The following IL1RAPL1 variants were observed in gnomAD, a reference collection of about 807,000 sequenced individuals.
IL1RAPL1 encodes interleukin-1 receptor accessory protein-like 1.
Under a neutral mutation model 48.4 loss-of-function variants are expected in IL1RAPL1, and 3 were observed. The observed-to-expected ratio is 0.06, with a 90% CI of 0.03 to 0.16. The LOEUF (loss-of-function observed/expected upper bound fraction) is 0.16. Among genes scored for constraint, IL1RAPL1 ranks in the 10% least tolerant of loss-of-function variants. The probability of loss-of-function intolerance (pLI) is 1.00; values close to 1 mark genes in which losing one functional copy is unlikely to be tolerated. For synonymous variants in IL1RAPL1, 185 were observed against 187.7 expected, an observed-to-expected ratio of 0.99 and a Z score of 0.12; for missense variants, 349 against 530.6, an observed-to-expected ratio of 0.66 and a Z score of 3.36.
intron 6 of IL1RAPL1, among the ~76,000 whole-genome samples, chrX:29,698,101 C>T (rs1021127348): frequency 9.0e-6 from 1 of 110,532 alleles, no homozygotes; most frequent in Non-Finnish European, 1.9e-5. Flanking sequence ...GCTCCAAGAA[C>T]ACCCCTCCAT....
chrX:29,655,159 C>G (rs768548453), intron 5 of IL1RAPL1, among the ~76,000 whole-genome samples: 2 of 111,647 alleles, frequency 1.8e-5, no homozygotes. Context: ...GCAAGCAGAT[C>G]AAACCTCTTC....
intron 2 of IL1RAPL1, among the ~76,000 whole-genome samples, chrX:28,856,738 G>A (rs2147300083): frequency 9.0e-6 from 1 of 111,134 alleles, no homozygotes; most frequent in South Asian, 3.8e-4. Flanking sequence ...CTATCGACTA[G>A]CCACTCCCCT....
chrX:29,432,214 C>T (rs1461411026), intron 5 of IL1RAPL1, among the ~76,000 whole-genome samples: 1 of 111,506 alleles, frequency 9.0e-6, no homozygotes, highest in Non-Finnish European at 1.9e-5. Context: ...CCTCCCTTTG[C>T]TTAGAGCATT....
chrX:29,670,445 TA>T (rs1328327096), intron 6 of IL1RAPL1, among the ~76,000 whole-genome samples: 1 of 112,070 alleles, frequency 8.9e-6, no homozygotes, highest in Non-Finnish European at 1.9e-5. Context: ...TGGATTATTT[TA>T]AGCAACTTTT....
chrX:29,597,149 A>ATTTTTTTTTTTTTTTTTT (rs35180262), intron 5 of IL1RAPL1, among the ~76,000 whole-genome samples: 13 of 55,967 alleles, frequency 2.3e-4, no homozygotes, highest in African/African-American at 8.7e-4. Flanking sequence ...TTTGTTGAGG[A>ATTTTTTTTTTTTTTTTTT]TTTTTTTTTT....
rs996743009 is a variant in IL1RAPL1, at chrX:29,784,585, T to C, written c.778+116081T>C. Among the ~76,000 whole-genome samples, 16 of 111,433 alleles carry C rather than the reference T, an allele frequency of 1.4e-4. No individual in the cohort carries two copies. In the South Asian group the frequency reaches 3.4e-3, roughly 24 times the overall value. On this transcript the variant is annotated intron_variant, in intron 6 of 10. Coordinates refer to ENST00000378993, the MANE Select transcript of IL1RAPL1 (RefSeq NM_014271.4). ...TTGAAGACTATATGTGGATACATAG[T>C]ATCATGAATGGCTGCTCTATTTTGT...
intron 5 of IL1RAPL1, chrX:29,574,376 C>T (rs752402834): frequency 9.2e-6 from 1 of 108,477 alleles, no homozygotes; most frequent in East Asian, 3.0e-4. Flanking sequence ...AAATCCAAAC[C>T]ATAACTTTCC....
chrX:29,953,963 C>A (rs969144151), intron 9 of IL1RAPL1, among the ~76,000 whole-genome samples: 1 of 110,162 alleles, frequency 9.1e-6, no homozygotes, highest in African/African-American at 3.3e-5. Context: ...CTGCTGGGTG[C>A]GGTGGCTCAC....
At chrX:29,075,612 C>T (rs1927652459) in intron 2 of IL1RAPL1, among the ~76,000 whole-genome samples, 1 of 111,765 alleles carries the variant, frequency 8.9e-6, no homozygotes, top group African/African-American at 3.2e-5. Context: ...CAAACTTAGA[C>T]CAACCTTAAC....
chrX:29,604,552 C>T, intron 5 of IL1RAPL1, among the ~76,000 whole-genome samples: 1 of 111,389 alleles, frequency 9.0e-6, no homozygotes, highest in Middle Eastern at 4.6e-3. Flanking sequence ...GATTTGCCTG[C>T]CACAGCCTTC....
chrX:29,719,743 CAAAAAAAA>C (rs372308075), intron 6 of IL1RAPL1, among the ~76,000 whole-genome samples: 490 of 21,877 alleles, frequency 0.022, 2 homozygotes, highest in African/African-American at 0.057. Context: ...GAAAGATGAG[CAAAAAAAA>C]AAAAAAAAAA....
intron 2 of IL1RAPL1, among the ~76,000 whole-genome samples, chrX:28,873,096 T>A (rs891764514): frequency 9.7e-6 from 1 of 103,520 alleles, no homozygotes; most frequent in African/African-American, 3.7e-5. Flanking sequence ...AGCCTAAGTT[T>A]TTTTTTTCAC....
chrX:28,648,401 A>G (rs1934641205), intron 1 of IL1RAPL1, among the ~76,000 whole-genome samples: 1 of 112,015 alleles, frequency 8.9e-6, no homozygotes, highest in Non-Finnish European at 1.9e-5. Flanking sequence ...ATTTCCTCAT[A>G]CATTAAAAAA....
At chrX:29,803,397 GTA>G (rs1409716410) in intron 6 of IL1RAPL1, among the ~76,000 whole-genome samples, 74 of 84,847 alleles carry the variant, frequency 8.7e-4, no homozygotes, top group South Asian at 2.1e-3. Context: ...ATACACATAT[GTA>G]TATATGTGTA....
At chrX:29,867,187 T>C (rs1391179181) in intron 6 of IL1RAPL1, among the ~76,000 whole-genome samples, 1 of 112,010 alleles carries the variant, frequency 8.9e-6, no homozygotes, top group Non-Finnish European at 1.9e-5. Context: ...TTTATATGTT[T>C]CAGTTAACAT....
At chrX:28,723,587 A>G (rs778681825) in intron 1 of IL1RAPL1, among the ~76,000 whole-genome samples, 9 of 111,117 alleles carry the variant, frequency 8.1e-5, no homozygotes, top group East Asian at 2.8e-4. Flanking sequence ...TTGTGTCTCT[A>G]TCTCCTTCAG....
At chrX:29,190,895 G>A (rs1018388362) in intron 2 of IL1RAPL1, among the ~76,000 whole-genome samples, 1 of 111,782 alleles carries the variant, frequency 8.9e-6, no homozygotes, top group African/African-American at 3.2e-5. Flanking sequence ...ATATACTGGT[G>A]TATTGAGGAT....
chrX:29,632,481 A>G (rs899008740), intron 5 of IL1RAPL1, among the ~76,000 whole-genome samples: 4 of 111,719 alleles, frequency 3.6e-5, no homozygotes, highest in African/African-American at 1.3e-4. Flanking sequence ...ATTTCACTGA[A>G]TTCTAGGCTT....
At chrX:29,861,585 T>C (rs949406090) in intron 6 of IL1RAPL1, among the ~76,000 whole-genome samples, 1 of 111,017 alleles carries the variant, frequency 9.0e-6, no homozygotes, top group Non-Finnish European at 1.9e-5. Flanking sequence ...AGACTACAAA[T>C]TGGGTTCAGT....
Sources: allele counts gnomAD v4.1 joint callset (sites outside exome capture counted in the v4.1 genomes callset), GRCh38; gene constraint gnomAD v4.1.1; transcripts MANE v1.5; gene names NCBI Gene and HGNC (gene_info 2026-07-23, HGNC 2026-07-21).